Variants in KLHL1 observed in about 807,000 individuals in gnomAD.
The protein encoded by KLHL1 is kelch-like protein 1.
Under a neutral mutation model 77.7 loss-of-function variants are expected in KLHL1, and 47 were observed. That is an observed-to-expected ratio of 0.60 (90% CI 0.48 to 0.77). The LOEUF is 0.77. Ranked by LOEUF, KLHL1 falls within the 30% of genes least tolerant of loss-of-function variation. The probability of loss-of-function intolerance (pLI) is 0.00; values close to 1 mark genes in which losing one functional copy is unlikely to be tolerated. For missense variants in KLHL1, 925 were observed against 910.8 expected, an observed-to-expected ratio of 1.02 and a Z score of -0.20; for synonymous variants, 360 against 325.2, an observed-to-expected ratio of 1.11 and a Z score of -1.15.
intron 3 of KLHL1, among the ~76,000 whole-genome samples, chr13:69,953,911 T>G (rs572391147): frequency 2.3e-4 from 35 of 151,358 alleles, no homozygotes; most frequent in African/African-American, 8.4e-4. Context: ...CATAATTGAG[T>G]GTTTGCTGCA....
At chr13:69,862,291 G>T (rs1029900052) in intron 5 of KLHL1, among the ~76,000 whole-genome samples, 1 of 149,112 alleles carries the variant, frequency 6.7e-6, no homozygotes. Flanking sequence ...ACACACACAG[G>T]AGAAGAGAGA....
chr13:70,013,456 T>C (rs1229397878), intron 1 of KLHL1, among the ~76,000 whole-genome samples: 2 of 152,148 alleles, frequency 1.3e-5, no homozygotes, highest in Non-Finnish European at 2.9e-5. Flanking sequence ...TGTTGCTAAC[T>C]TGGAGAAAGG....
chr13:69,780,696 ATATATGTATATATATATATG>A (rs1190772405), intron 7 of KLHL1, among the ~76,000 whole-genome samples: 299 of 16,430 alleles, frequency 0.018, 18 homozygotes, highest in African/African-American at 0.091. Context: ...ATATATATAT[ATATATGTATATATATATATG>A]TATATATATA....
intron 6 of KLHL1, among the ~76,000 whole-genome samples, chr13:69,833,523 TG>T (rs566417620): frequency 2.1e-3 from 325 of 151,930 alleles, no homozygotes; most frequent in African/African-American, 7.5e-3. Context: ...TAAACTAGTA[TG>T]ACCACTATAT....
At chr13:69,783,805 A>T (rs1193664152) in intron 7 of KLHL1, among the ~76,000 whole-genome samples, 2 of 148,904 alleles carry the variant, frequency 1.3e-5, no homozygotes, top group Non-Finnish European at 3.0e-5. Context: ...GCAGGCCAAC[A>T]TTCAGATTCA....
chr13:70,012,580 T>C (rs1395680813), intron 1 of KLHL1, among the ~76,000 whole-genome samples: 1 of 152,030 alleles, frequency 6.6e-6, no homozygotes, highest in African/African-American at 2.4e-5. Context: ...ATTAAACATG[T>C]GATTAGATTA....
intron 4 of KLHL1, among the ~76,000 whole-genome samples, chr13:69,897,536 A>G (rs958434117): frequency 3.9e-5 from 6 of 152,208 alleles, no homozygotes. Flanking sequence ...TGCCTTCACA[A>G]TAAATGAGAA....
intron 1 of KLHL1, among the ~76,000 whole-genome samples, chr13:69,991,775 G>A (rs894434456): frequency 2.0e-5 from 3 of 151,840 alleles, no homozygotes; most frequent in Admixed American, 6.6e-5. Context: ...AAATTGAGGC[G>A]GAGAGACTTC....
At chr13:69,862,032 CTTGAAG>C (rs1480993185) in intron 5 of KLHL1, among the ~76,000 whole-genome samples, 2 of 141,582 alleles carry the variant, frequency 1.4e-5, no homozygotes, top group African/African-American at 5.2e-5. Context: ...AAAGCAAATA[CTTGAAG>C]TTGATTAGCA....
chr13:70,078,084 T>G (rs960618589), intron 1 of KLHL1, among the ~76,000 whole-genome samples: 5 of 151,958 alleles, frequency 3.3e-5, no homozygotes, highest in Non-Finnish European at 7.4e-5. Context: ...TTTTTCTGCA[T>G]TAGTTTTACC....
intron 3 of KLHL1, among the ~76,000 whole-genome samples, chr13:69,945,974 AT>A (rs1883512793): frequency 6.6e-6 from 1 of 152,214 alleles, no homozygotes; most frequent in Non-Finnish European, 1.5e-5. Flanking sequence ...TGCTTATTCA[AT>A]GGAATACTTC....
chr13:70,018,532 G>A (rs769645869), intron 1 of KLHL1, among the ~76,000 whole-genome samples: 9 of 152,190 alleles, frequency 5.9e-5, no homozygotes, highest in Admixed American at 1.3e-4. Context: ...CACGTTTCTA[G>A]TGATTTTGAA....
At chr13:70,033,259 A>C (rs186195332) in intron 1 of KLHL1, among the ~76,000 whole-genome samples, 1 of 152,190 alleles carries the variant, frequency 6.6e-6, no homozygotes, top group Admixed American at 6.5e-5. Context: ...GACTGCTGTT[A>C]GGCTTCTAAT....
chr13:70,036,671 G>T (rs1303458738), intron 1 of KLHL1, among the ~76,000 whole-genome samples: 1 of 151,764 alleles, frequency 6.6e-6, no homozygotes, highest in East Asian at 1.9e-4. Flanking sequence ...GCAGTAGATT[G>T]TTCATTTTCA....
intron 5 of KLHL1, among the ~76,000 whole-genome samples, chr13:69,849,141 G>A (rs988356997): frequency 5.3e-5 from 8 of 150,996 alleles, no homozygotes; most frequent in East Asian, 2.0e-4. Flanking sequence ...TGCTTATTTT[G>A]TCCAAGGTGC....
intron 7 of KLHL1, among the ~76,000 whole-genome samples, chr13:69,758,773 CT>C (rs1874884629): frequency 6.6e-6 from 1 of 152,126 alleles, no homozygotes; most frequent in East Asian, 1.9e-4. Flanking sequence ...TTATATTTAG[CT>C]TTTCCATAGC....
At chr13:69,828,401 G>T (rs771969443) in intron 6 of KLHL1, among the ~76,000 whole-genome samples, 2 of 150,254 alleles carry the variant, frequency 1.3e-5, no homozygotes, top group African/African-American at 5.0e-5. Flanking sequence ...AGTACCCAGA[G>T]AAACCATTTC....
intron 5 of KLHL1, among the ~76,000 whole-genome samples, chr13:69,872,852 C>T (rs1344559781): frequency 6.6e-6 from 1 of 151,476 alleles, no homozygotes; most frequent in Admixed American, 6.6e-5. Flanking sequence ...GGGACAGCAC[C>T]AGCCATTCAT....
In KLHL1 at chr13:70,084,622, C is replaced by CTTTTT. The variant is rs71116988; in HGVS notation, c.497+22576_497+22580dup. ...TACAGGCACCTGCCACCACGCCAGG[C>CTTTTT]TTTTTTTTTTTTTTTTTTTTTTTTT... is the stretch of plus-strand genomic sequence containing the variant. On this transcript the variant is annotated intron_variant, in intron 1 of 10. Coordinates refer to ENST00000377844, the MANE Select transcript of KLHL1 (RefSeq NM_020866.3). 8.9e-3 allele frequency among the ~76,000 whole-genome samples: 133 copies of CTTTTT among 14,948 alleles called. 28 individuals are homozygous for CTTTTT. The East Asian group carries it at 0.091, about 10-fold the overall frequency. The allele number at this position is 14,948 out of a possible 152,430, so 9.8% of individuals were successfully genotyped here.
Sources: allele counts gnomAD v4.1 joint callset (sites outside exome capture counted in the v4.1 genomes callset), GRCh38; gene constraint gnomAD v4.1.1; transcripts MANE v1.5; gene names NCBI Gene and HGNC (gene_info 2026-07-23, HGNC 2026-07-21).